Variants in MAD1L1 observed in about 807,000 individuals in gnomAD.
MAD1L1 encodes the protein mitotic spindle assembly checkpoint protein MAD1.
MAD1L1 carries 95 observed loss-of-function variants against 96.9 expected under a neutral mutation model. The ratio of observed to expected loss-of-function variants is 0.98; its 90% CI spans 0.83 to 1.16. The LOEUF (loss-of-function observed/expected upper bound fraction) is 1.16. MAD1L1 is among the 50% of genes most tolerant of loss of function. The pLI is 0.00. For synonymous variants in MAD1L1, 473 were observed against 396.6 expected (o/e 1.19, Z -2.29); for missense variants, 1,007 against 954.4 (o/e 1.06, Z -0.73).
chr7:2,017,726 C>G (rs1782607371), intron 12 of MAD1L1, among the ~76,000 whole-genome samples: 1 of 152,184 alleles, frequency 6.6e-6, no homozygotes, highest in Non-Finnish European at 1.5e-5. Flanking sequence ...CTCCGGCGCG[C>G]TAATTACCAC....
intron 11 of MAD1L1, among the ~76,000 whole-genome samples, chr7:2,115,151 G>A (rs1787600632): frequency 6.6e-6 from 1 of 152,246 alleles, no homozygotes. Context: ...CCCGCAGGAG[G>A]ACATGAGGCC....
Position 1,963,338 on chromosome 7 carries a change from C to T in MAD1L1, c.1506-5619G>A, listed in dbSNP as rs185868212. Among the ~76,000 whole-genome samples, 821 of 152,292 alleles carry T rather than the reference C, an allele frequency of 5.4e-3. 7 individuals carry two copies. The highest frequency in any genetic ancestry group is 0.048 in the South Asian group (230 of 4,830). On this transcript the variant is annotated intron_variant, in intron 15 of 18. Transcript: ENST00000265854. Reference sequence around the variant, plus strand: ...AGCAAAAAGAGGGAGACCACATGCTCCAGGACCAACGCCATGCCCAGAAGA... The same window carrying T: ...AGCAAAAAGAGGGAGACCACATGCTTCAGGACCAACGCCATGCCCAGAAGA...
intron 11 of MAD1L1, among the ~76,000 whole-genome samples, chr7:2,091,016 C>T (rs777892691): frequency 6.6e-6 from 1 of 152,160 alleles, no homozygotes; most frequent in Non-Finnish European, 1.5e-5. Context: ...CTGATTCACC[C>T]GCGTTTATTT....
At chr7:2,212,780 T>C (rs941518678) in intron 10 of MAD1L1, among the ~76,000 whole-genome samples, 11 of 152,206 alleles carry the variant, frequency 7.2e-5, no homozygotes, top group African/African-American at 2.4e-4. Context: ...TATTTCTTTA[T>C]AGCAATGCAA....
At chr7:2,130,950 C>A (rs936308552) in intron 11 of MAD1L1, among the ~76,000 whole-genome samples, 1 of 152,232 alleles carries the variant, frequency 6.6e-6, no homozygotes, top group Non-Finnish European at 1.5e-5. Flanking sequence ...ATCTGCTAAG[C>A]TTCCCTAAAC....
At chr7:2,027,633 A>G (rs1783046078) in intron 12 of MAD1L1, among the ~76,000 whole-genome samples, 1 of 152,276 alleles carries the variant, frequency 6.6e-6, no homozygotes, top group South Asian at 2.1e-4. Flanking sequence ...AAGGCATTTG[A>G]TTAAAATTCA....
chr7:1,872,430 G>A (rs548424103), intron 18 of MAD1L1, among the ~76,000 whole-genome samples: 46 of 152,142 alleles, frequency 3.0e-4, no homozygotes, highest in Non-Finnish European at 3.2e-4. Context: ...CGGCTTCCCC[G>A]TCTGTCTCTG....
rs1787528803 is a variant in MAD1L1, at chr7:2,114,087, TGTACACGGG to T, written c.1073+35056_1073+35064del. 6.6e-6 allele frequency among the ~76,000 whole-genome samples: 1 copy of T among 152,188 alleles called. No homozygotes were observed. The highest frequency in any genetic ancestry group is 1.5e-5 in the Non-Finnish European group (1 of 68,026). ...CCCAGGCCTTACAGCTTCTGATAACTGTACACGGGCTCACAAGACGTTACCCTCGGGAAA... is the reference window on the plus strand; with the variant it reads ...CCCAGGCCTTACAGCTTCTGATAACTCTCACAAGACGTTACCCTCGGGAAA... On this transcript the variant is annotated intron_variant, in intron 11 of 18. Coordinates refer to ENST00000265854, the MANE Select transcript of MAD1L1 (RefSeq NM_001013836.2). The surrounding 1 kb of genome is among the most constrained non-coding windows in gnomAD (Gnocchi z 4.2).
Position 2,142,805 on chromosome 7 carries a change from C to T in MAD1L1, c.1073+6347G>A, listed in dbSNP as rs1295501340. ...GTGGTCAGGTTGAGCATGAGACTTGCTGGGAACACATGGCTGAGGCCATGG... is the reference window on the plus strand; with the variant it reads ...GTGGTCAGGTTGAGCATGAGACTTGTTGGGAACACATGGCTGAGGCCATGG... On this transcript the variant is annotated intron_variant, in intron 11 of 18. Transcript: ENST00000265854. This position sits in a 1 kb window ranked among gnomAD's most constrained non-coding sequence, Gnocchi z 4.7. Among the ~76,000 whole-genome samples, 1 of 152,250 alleles carries T rather than the reference C, an allele frequency of 6.6e-6. No individual in the cohort carries two copies. The highest frequency in any genetic ancestry group is 6.5e-5 in the Admixed American group (1 of 15,290).
At chr7:2,057,646 C>T (rs879820213) in intron 12 of MAD1L1, among the ~76,000 whole-genome samples, 2 of 151,954 alleles carry the variant, frequency 1.3e-5, no homozygotes, top group Non-Finnish European at 2.9e-5. Flanking sequence ...GCTTTGTATG[C>T]GTTAAATCCT....
At chr7:1,992,376 C>T (rs891077159) in intron 14 of MAD1L1, among the ~76,000 whole-genome samples, 1 of 152,240 alleles carries the variant, frequency 6.6e-6, no homozygotes, top group African/African-American at 2.4e-5. Context: ...CAGTTGTTAA[C>T]GCTGGGGAAG....
At chr7:1,900,907 C>A (rs1017679990) in intron 17 of MAD1L1, among the ~76,000 whole-genome samples, 1 of 152,142 alleles carries the variant, frequency 6.6e-6, no homozygotes, top group Non-Finnish European at 1.5e-5. Flanking sequence ...GGTCCCAGGG[C>A]GAGGAAGGCA....
chr7:1,992,829 G>T (rs1014148986), intron 14 of MAD1L1, among the ~76,000 whole-genome samples: 2 of 146,816 alleles, frequency 1.4e-5, no homozygotes, highest in East Asian at 4.3e-4. Context: ...GGAGGCAGGC[G>T]GCAGGGGCAG....
In MAD1L1 at chr7:2,232,705, G is replaced by A. The variant is rs1327474372; in HGVS notation, c.-190+167C>T. ...GAGGGGAGAGCACAGAGAGGAGAGC[G>A]CGCCCATGGGAGACGGGGCGGGCGC... On this transcript the variant is annotated intron_variant, in intron 1 of 18. Transcript: ENST00000265854. Among the ~76,000 whole-genome samples, 3 of 152,150 alleles carry A rather than the reference G, an allele frequency of 2.0e-5. No individual in the cohort carries two copies. In the East Asian group the frequency reaches 5.8e-4, roughly 29 times the overall value.
intron 10 of MAD1L1, chr7:2,175,512 A>C (rs1217098736): frequency 6.6e-6 from 1 of 152,058 alleles, no homozygotes; most frequent in African/African-American, 2.4e-5. Flanking sequence ...AAAAAAAAAA[A>C]AAAAACCCAC....
chr7:1,970,331 C>CT (rs34240381), intron 15 of MAD1L1, among the ~76,000 whole-genome samples: 6,684 of 116,472 alleles, frequency 0.057, 407 homozygotes, highest in Non-Finnish European at 0.081. Context: ...TTAATTTTTA[C>CT]TTTTTTTTTT....
chr7:2,063,441 G>C (rs1784749499), intron 12 of MAD1L1, among the ~76,000 whole-genome samples: 1 of 152,224 alleles, frequency 6.6e-6, no homozygotes, highest in African/African-American at 2.4e-5. Flanking sequence ...CAGCGGCCTT[G>C]TCTGTGGCTG....
rs1470833949 is a variant in MAD1L1 at position 2,182,208 on chromosome 7, T to G, written c.986+31004A>C. On this transcript the variant is annotated intron_variant, in intron 10 of 18. Coordinates refer to ENST00000265854, the MANE Select transcript of MAD1L1 (RefSeq NM_001013836.2). ...ATAAAATGTAACTGGAAATAATTTT[T>G]TGTCCCACAATAAGTCATTGTTTAA... 2.0e-5 allele frequency among the ~76,000 whole-genome samples: 3 copies of G among 152,246 alleles called. No homozygotes were observed. The South Asian group carries it at 6.2e-4, about 32-fold the overall frequency.
At chr7:2,180,559 AT>A (rs1791154745) in intron 10 of MAD1L1, among the ~76,000 whole-genome samples, 1 of 152,236 alleles carries the variant, frequency 6.6e-6, no homozygotes, top group East Asian at 1.9e-4. Context: ...AGGTTTTGTA[AT>A]AAAAATAGTG....
Sources: allele counts gnomAD v4.1 joint callset (sites outside exome capture counted in the v4.1 genomes callset), GRCh38; gene constraint gnomAD v4.1.1; non-coding constraint Gnocchi (gnomAD v3.1); transcripts MANE v1.5; gene names NCBI Gene and HGNC (gene_info 2026-07-23, HGNC 2026-07-21).